DENND2B: variants seen among roughly 807,000 people sequenced by gnomAD.
DENND2B encodes the protein DENN domain-containing protein 2B.
A neutral mutation model predicts 116.0 loss-of-function variants in DENND2B; 32 were observed. The observed-to-expected ratio is 0.28, with a 90% CI of 0.21 to 0.37. The LOEUF (loss-of-function observed/expected upper bound fraction) is 0.37, where lower values mean the gene tolerates loss of function less well. Among genes scored for constraint, DENND2B ranks in the 10% least tolerant of loss-of-function variants. The pLI is 1.00. For missense variants in DENND2B, 1,276 were observed against 1,477.7 expected (o/e 0.86, Z 2.24); for synonymous variants, 588 against 583.9 (o/e 1.01, Z -0.10).
chr11:8,750,076 T>A (rs1254667344), intron 2 of DENND2B, among the ~76,000 whole-genome samples: 1 of 152,238 alleles, frequency 6.6e-6, no homozygotes, highest in Non-Finnish European at 1.5e-5. Context: ...ATTATTATTT[T>A]ATAGATGAAA....
intron 1 of DENND2B, among the ~76,000 whole-genome samples, chr11:8,780,045 A>G (rs1055867808): frequency 1.3e-5 from 2 of 152,192 alleles, no homozygotes; most frequent in African/African-American, 4.8e-5. Context: ...TTTTCTCGCT[A>G]GAGCAGGAGA....
upstream of DENND2B, among the ~76,000 whole-genome samples, chr11:8,813,553 C>T (rs1242416820): frequency 6.6e-6 from 1 of 152,100 alleles, no homozygotes; most frequent in Admixed American, 6.5e-5. Flanking sequence ...AGGGGTGATC[C>T]CACCCCTTTC....
At chr11:8,883,284 C>A (rs1168096762) in intron 1 of DENND2B, among the ~76,000 whole-genome samples, 1 of 152,132 alleles carries the variant, frequency 6.6e-6, no homozygotes, top group East Asian at 1.9e-4. Flanking sequence ...AGCCAACAAG[C>A]ATTCTGATAA....
chr11:8,713,601 C>T (rs1193157043), intron 8 of DENND2B, among the ~76,000 whole-genome samples: 3 of 152,142 alleles, frequency 2.0e-5, no homozygotes, highest in Admixed American at 2.0e-4. Context: ...AGGCTGGTCT[C>T]GAACTCCTGA....
chr11:8,793,956 T>C (rs577480660), intron 1 of DENND2B, among the ~76,000 whole-genome samples: 1 of 152,252 alleles, frequency 6.6e-6, no homozygotes, highest in East Asian at 1.9e-4. Flanking sequence ...TCTTTATGGC[T>C]CAAGGATGTT....
intron 17 of DENND2B, 87 bp downstream of exon 17, chr11:8,697,438 A>G: frequency 1.0e-6 from 1 of 965,646 alleles, no homozygotes; most frequent in Non-Finnish European, 1.7e-6. Flanking sequence ...TTTGGTGTGC[A>G]GAGGCAGAGT....
At chr11:8,872,499 A>AG (rs1216491795), upstream of DENND2B, among the ~76,000 whole-genome samples, 8 of 151,954 alleles carry the variant, frequency 5.3e-5, no homozygotes, top group East Asian at 1.9e-4. Flanking sequence ...AAAAAAAAAA[A>AG]AAAGAAAAAA....
At chr11:8,843,793 C>T (rs541244751) in intron 3 of DENND2B, among the ~76,000 whole-genome samples, 1 of 152,186 alleles carries the variant, frequency 6.6e-6, no homozygotes, top group East Asian at 1.9e-4. Flanking sequence ...TTTGCACACA[C>T]CACTCCCTCT....
intron 2 of DENND2B, among the ~76,000 whole-genome samples, chr11:8,741,637 G>C (rs960314226): frequency 6.6e-6 from 1 of 152,168 alleles, no homozygotes; most frequent in African/African-American, 2.4e-5. Flanking sequence ...GTTACTGCTT[G>C]ATTGATAGCA....
intron 2 of DENND2B, among the ~76,000 whole-genome samples, chr11:8,866,971 C>T (rs1242084785): frequency 2.6e-5 from 4 of 151,558 alleles, no homozygotes; most frequent in African/African-American, 9.8e-5. Context: ...ATTTTGATTT[C>T]GCATTTTTTA....
In DENND2B at chr11:8,715,439, A is replaced by T. The variant is rs1025075988; in HGVS notation, c.1845+164T>A. 4 of 645,802 alleles carry T rather than the reference A, an allele frequency of 6.2e-6. No individual in the cohort carries two copies. In the African/African-American group the frequency reaches 7.3e-5, roughly 12 times the overall value. The allele number at this position is 645,802 out of a possible 1,614,324, so 40.0% of individuals were successfully genotyped here. On this transcript the variant is annotated intron_variant, in intron 6 of 19. Transcript: ENST00000313726. ...TCTTTATTGATAAGAAAGGGGAATT[A>T]ATCAGATGAAAAAGAGGCCAGTGCA... is the stretch of plus-strand genomic sequence containing the variant.
intron 4 of DENND2B, among the ~76,000 whole-genome samples, chr11:8,838,246 C>G (rs2062503699): frequency 6.6e-6 from 1 of 152,166 alleles, no homozygotes; most frequent in South Asian, 2.1e-4. Flanking sequence ...TCTTTAGATT[C>G]CTATCTCATA....
chr11:8,730,069 ACT>A lies in DENND2B; in HGVS notation c.1219_1220del (p.Ser407Ter). The A allele has an allele frequency of 6.2e-7, 1 of 1,614,100 alleles. No homozygotes were observed. Among genetic ancestry groups the A allele is most frequent in the Non-Finnish European group, 8.5e-7 (1 of 1,180,000 alleles). Reference sequence around the variant, plus strand: ...GTGTGGGTGAAGGAGGTAGACCATTACTGGGCTTACTCTTGGGGTTCTTGTCA... The same window carrying A: ...GTGTGGGTGAAGGAGGTAGACCATTAGGGCTTACTCTTGGGGTTCTTGTCA... ...EADKNPKSKP[S>X]NGLPPSPTPA... On this transcript the variant is annotated frameshift_variant, in exon 3 of 20. Coordinates refer to ENST00000313726, the MANE Select transcript of DENND2B (RefSeq NM_213618.2). LOFTEE classifies it high-confidence loss of function. The surrounding 1 kb of genome is among the most constrained non-coding windows in gnomAD (Gnocchi z 4.1).
chr11:8,848,149 T>C (rs373729783), intron 3 of DENND2B, among the ~76,000 whole-genome samples: 25 of 152,302 alleles, frequency 1.6e-4, no homozygotes, highest in African/African-American at 5.8e-4. Flanking sequence ...CAGAGATGCA[T>C]ATAAAACTCT....
intron 1 of DENND2B, among the ~76,000 whole-genome samples, chr11:8,901,229 C>CTTTTCTTTTT (rs781408078): frequency 2.1e-4 from 18 of 83,918 alleles, no homozygotes; most frequent in African/African-American, 5.3e-4. Context: ...CTTTTCTTTT[C>CTTTTCTTTTT]TTTTTTTTTT....
At chr11:8,718,228 A>G in intron 4 of DENND2B, 1 of 909,752 alleles carries the variant, frequency 1.1e-6, no homozygotes. Context: ...GCCAGCAACA[A>G]GAGTCTTTCC....
intron 1 of DENND2B, among the ~76,000 whole-genome samples, chr11:8,770,573 T>C (rs1818842356): frequency 6.6e-6 from 1 of 152,218 alleles, no homozygotes; most frequent in Non-Finnish European, 1.5e-5. Context: ...TTTCCTTCTA[T>C]CCTGCTGCAT....
intron 2 of DENND2B, among the ~76,000 whole-genome samples, chr11:8,731,599 C>A (rs1308225735): frequency 6.6e-6 from 1 of 152,258 alleles, no homozygotes; most frequent in East Asian, 1.9e-4. Context: ...CCTGTAATCC[C>A]AGCACTTAGA....
chr11:8,852,887 G>A (rs558175896), intron 3 of DENND2B, among the ~76,000 whole-genome samples: 15 of 152,176 alleles, frequency 9.9e-5, no homozygotes, highest in South Asian at 2.1e-4. Context: ...GGAGAAGGAC[G>A]ATTCATGACA....
Sources: gnomAD v4.1 joint callset for allele counts (sites outside exome capture counted in the v4.1 genomes callset) on GRCh38, gnomAD v4.1.1 for gene constraint, Gnocchi (gnomAD v3.1) non-coding constraint, MANE v1.5 for transcripts, NCBI Gene and HGNC (gene_info 2026-07-23, HGNC 2026-07-21) for gene names.